The following WWP1 variants were observed in gnomAD, a reference collection of about 807,000 sequenced individuals.
WWP1 encodes NEDD4-like E3 ubiquitin-protein ligase WWP1.
A neutral mutation model predicts 130.6 loss-of-function variants in WWP1; 49 were observed. The observed-to-expected ratio is 0.38, with a 90% CI of 0.30 to 0.48. The LOEUF (loss-of-function observed/expected upper bound fraction) is 0.48. Ranked by LOEUF, WWP1 falls within the 20% of genes least tolerant of loss-of-function variation. The probability of loss-of-function intolerance (pLI) is 0.99; values close to 1 mark genes in which losing one functional copy is unlikely to be tolerated. For missense variants in WWP1, 809 were observed against 1,100.6 expected (o/e 0.74, Z 3.75); for synonymous variants, 332 against 367.8 (o/e 0.90, Z 1.11).
intron 5 of WWP1, among the ~76,000 whole-genome samples, chr8:86,397,170 GA>G (rs1807726146): frequency 6.6e-6 from 1 of 152,198 alleles, no homozygotes; most frequent in Non-Finnish European, 1.5e-5. Flanking sequence ...TTAAATATAG[GA>G]AAGATCAAAG....
intron 17 of WWP1, chr8:86,442,344 A>T (rs1477471492): frequency 4.6e-6 from 1 of 215,306 alleles, no homozygotes; most frequent in Non-Finnish European, 9.1e-6. Context: ...ATTGAAGTTG[A>T]GGAGACATAC....
rs537089716 is a variant in WWP1 at position 86,358,077 on chromosome 8, C to T, written c.-114-10862C>T. Among the ~76,000 whole-genome samples the T allele has an allele frequency of 2.6e-5, 4 of 152,224 alleles. No individual in the cohort carries two copies. The South Asian group carries it at 6.2e-4, about 24-fold the overall frequency. ...AGTGTTTGGAATGTTTAATTAAGGT[C>T]GGGGAGTATCCAAGTGTAATAAGCT... On this transcript the variant is annotated intron_variant, in intron 1 of 24. Coordinates refer to ENST00000517970, the MANE Select transcript of WWP1 (RefSeq NM_007013.4).
intron 9 of WWP1, among the ~76,000 whole-genome samples, chr8:86,419,373 A>T (rs548541889): frequency 6.6e-6 from 1 of 152,334 alleles, no homozygotes; most frequent in East Asian, 1.9e-4. Flanking sequence ...AGCTGAGATC[A>T]CACCACTGCA....
chr8:86,397,270 G>A (rs541875850), intron 5 of WWP1, among the ~76,000 whole-genome samples: 2 of 152,220 alleles, frequency 1.3e-5, no homozygotes, highest in East Asian at 3.9e-4. Context: ...TTTGGCCTCA[G>A]TTTGAATAAT....
intron 8 of WWP1, among the ~76,000 whole-genome samples, chr8:86,410,860 C>T (rs944928318): frequency 2.6e-5 from 4 of 152,050 alleles, no homozygotes; most frequent in African/African-American, 9.7e-5. Flanking sequence ...GATTATGTCT[C>T]CCTCTGCCAT....
At chr8:86,360,643 C>T (rs1823537273) in intron 1 of WWP1, among the ~76,000 whole-genome samples, 2 of 152,184 alleles carry the variant, frequency 1.3e-5, no homozygotes, top group South Asian at 4.1e-4. Context: ...CAGTCAGTAA[C>T]TATTAATTGG....
In WWP1 at chr8:86,369,015, G is replaced by A. The variant is rs932332761; in HGVS notation, c.-38G>A. 7 of 152,162 alleles carry A rather than the reference G, an allele frequency of 4.6e-5. No individual in the cohort carries two copies. Among genetic ancestry groups the A allele is most frequent in the African/African-American group, 1.7e-4 (7 of 41,442 alleles). 9.4% of individuals were successfully genotyped at this position (152,162 alleles called of 1,614,324 possible). A position where few individuals can be genotyped will look rare whatever the true frequency, so the allele number is the denominator to read the frequency against. ...CTCATCTTTGTATCCCCAGTGTCTA[G>A]CAGTTCCTGATACATAGTAAGTGGT... On this transcript the variant is annotated 5_prime_UTR_variant, in exon 2 of 25. Transcript: ENST00000517970.
chr8:86,442,522 T>C, intron 17 of WWP1, 97 bp from the exon 18 acceptor site: 1 of 1,183,086 alleles, frequency 8.5e-7, no homozygotes, highest in Non-Finnish European at 1.1e-6. Flanking sequence ...TTAAAGACTG[T>C]TGAGCAGAGG....
intron 9 of WWP1, among the ~76,000 whole-genome samples, chr8:86,417,855 A>C (rs144069737): frequency 6.6e-6 from 1 of 152,060 alleles, no homozygotes; most frequent in African/African-American, 2.4e-5. Context: ...GCCTTGTTCT[A>C]GGCATGTGCA....
chr8:86,350,604 G>A (rs748196962), intron 1 of WWP1, among the ~76,000 whole-genome samples: 1 of 152,162 alleles, frequency 6.6e-6, no homozygotes, highest in Non-Finnish European at 1.5e-5. Context: ...AGAAGGGCAC[G>A]GATAGAGTTA....
chr8:86,409,288 C>T (rs1009802356), intron 8 of WWP1, among the ~76,000 whole-genome samples: 2 of 125,516 alleles, frequency 1.6e-5, no homozygotes, highest in Admixed American at 9.4e-5. Context: ...GGTTGGAGTA[C>T]AGTGGCGTGA....
intron 24 of WWP1, among the ~76,000 whole-genome samples, chr8:86,465,501 C>T (rs1812029561): frequency 6.6e-6 from 1 of 152,070 alleles, no homozygotes; most frequent in Admixed American, 6.6e-5. Flanking sequence ...TGGCATGCGC[C>T]TGTACTCCCA....
intron 9 of WWP1, among the ~76,000 whole-genome samples, chr8:86,412,848 A>T (rs1376910985): frequency 6.6e-6 from 1 of 151,508 alleles, no homozygotes; most frequent in Non-Finnish European, 1.5e-5. Context: ...ATTATTTTGG[A>T]GCAGAGTTTC....
At chr8:86,421,939 G>C (rs1809242072) in intron 9 of WWP1, among the ~76,000 whole-genome samples, 1 of 152,152 alleles carries the variant, frequency 6.6e-6, no homozygotes, top group Admixed American at 6.5e-5. Flanking sequence ...GAAGGAAAGA[G>C]TGCTGGATTC....
intron 20 of WWP1, 98 bp downstream of exon 20, chr8:86,448,611 GA>G: frequency 8.2e-7 from 1 of 1,219,564 alleles, no homozygotes; most frequent in South Asian, 2.0e-5. Flanking sequence ...ATGCCTTTGG[GA>G]AGTTCTTCTC....
At chr8:86,438,183 T>C (rs1810403386) in intron 16 of WWP1, among the ~76,000 whole-genome samples, 1 of 152,212 alleles carries the variant, frequency 6.6e-6, no homozygotes, top group East Asian at 1.9e-4. Context: ...ATACATATAC[T>C]GTTCATTAAG....
chr8:86,350,447 T>C (rs1345607123), intron 1 of WWP1, among the ~76,000 whole-genome samples: 1 of 151,924 alleles, frequency 6.6e-6, no homozygotes, highest in Non-Finnish European at 1.5e-5. Flanking sequence ...AAGCATTTCA[T>C]GTACACTAAA....
intron 20 of WWP1, among the ~76,000 whole-genome samples, chr8:86,451,253 A>G (rs1443919370): frequency 8.0e-6 from 1 of 124,824 alleles, no homozygotes; most frequent in African/African-American, 3.0e-5. Context: ...AAAAAAAAAA[A>G]GATACATGAA....
chr8:86,362,672 A>C (rs1313608518), intron 1 of WWP1, among the ~76,000 whole-genome samples: 1 of 152,094 alleles, frequency 6.6e-6, no homozygotes, highest in African/African-American at 2.4e-5. Context: ...AGGAGAAGGG[A>C]GGGAAGGCAT....
Sources: allele counts gnomAD v4.1 joint callset (sites outside exome capture counted in the v4.1 genomes callset), GRCh38; gene constraint gnomAD v4.1.1; transcripts MANE v1.5; gene names NCBI Gene and HGNC (gene_info 2026-07-23, HGNC 2026-07-21).